ABL2: variants seen among roughly 807,000 people sequenced by gnomAD.
ABL2 encodes the protein ABL proto-oncogene 2, non-receptor tyrosine kinase.
A neutral mutation model predicts 107.7 loss-of-function variants in ABL2; 49 were observed. The ratio of observed to expected loss-of-function variants is 0.45; its 90% CI spans 0.36 to 0.58. ABL2 has a LOEUF of 0.58. ABL2 is among the 20% of genes least tolerant of loss of function. The probability of loss-of-function intolerance (pLI) is 0.00; values close to 1 mark genes in which losing one functional copy is unlikely to be tolerated. For missense variants in ABL2, 1,245 were observed against 1,457.0 expected (o/e 0.85, Z 2.37); for synonymous variants, 549 against 548.6 (o/e 1.00, Z -0.01).
rs1653231563 is a variant in ABL2, at chr1:179,102,987, GAC to G, written c.*4729_*4730del. The stretch of plus-strand genomic sequence containing the variant: ...ACTATGCAGGACATAGGTTAAAAAA[GAC>G]ACTGTCAACATCAACAGATAACAAG... On this transcript the variant is annotated 3_prime_UTR_variant, in exon 12 of 12. Transcript: ENST00000502732. The G allele has an allele frequency of 4.4e-6, 1 of 225,276 alleles. No individual in the cohort carries two copies. The highest frequency in any genetic ancestry group is 2.2e-5 in the African/African-American group (1 of 44,916). The allele number at this position is 225,276 out of a possible 1,614,324, so 14.0% of individuals were successfully genotyped here. A position where few individuals can be genotyped will look rare whatever the true frequency, so the allele number is the denominator to read the frequency against.
chr1:179,163,862 A>G (rs1659225029), intron 1 of ABL2, among the ~76,000 whole-genome samples: 1 of 152,266 alleles, frequency 6.6e-6, no homozygotes, highest in Non-Finnish European at 1.5e-5. Flanking sequence ...AATACCACTC[A>G]ACAATACAAA....
intron 10 of ABL2, 103 bp downstream of exon 10, chr1:179,112,206 A>C (rs1654155285): frequency 4.0e-6 from 4 of 1,005,230 alleles, no homozygotes; most frequent in Middle Eastern, 4.2e-4. Context: ...ACAGAGTCTC[A>C]AACTCCACAA....
chr1:179,221,192 C>T (rs894598942), intron 1 of ABL2: 11 of 223,818 alleles, frequency 4.9e-5, no homozygotes, highest in Non-Finnish European at 7.5e-5. Flanking sequence ...AGTAGGCCAA[C>T]GGGCTAAAAG....
chr1:179,152,707 A>G lies in ABL2; in HGVS notation c.158-19333T>C, dbSNP rs377524740. On this transcript the variant is annotated intron_variant, in intron 1 of 11. Transcript: ENST00000502732. ...CTAGGTTTGTGAGTAGTAGCAGCAC[A>G]ATGTGCTACTTAAAGAATACTGATC... Among the ~76,000 whole-genome samples the G allele has an allele frequency of 2.0e-5, 3 of 152,340 alleles. No individual in the cohort carries two copies. The South Asian group carries it at 6.2e-4, about 32-fold the overall frequency.
At position 179,100,203 on chromosome 1, in the gene ABL2, A is replaced by T. The variant is rs1652992643; in HGVS notation, c.*7515T>A. On this transcript the variant is annotated 3_prime_UTR_variant, in exon 12 of 12. Transcript: ENST00000502732. Reference sequence around the variant, plus strand: ...TCTCAAGAAATTCCTCTCAAAACATAATGGAGGCCAAATGGCCACAGTGAG... The same window carrying T: ...TCTCAAGAAATTCCTCTCAAAACATTATGGAGGCCAAATGGCCACAGTGAG... 1 of 228,998 alleles carries T rather than the reference A, an allele frequency of 4.4e-6. No individual in the cohort carries two copies. The allele number at this position is 228,998 out of a possible 1,614,324, so 14.2% of individuals were successfully genotyped here.
rs141094931 is a variant in ABL2 at position 179,205,086 on chromosome 1, G to A, written c.157+24155C>T. Among the ~76,000 whole-genome samples the A allele has an allele frequency of 4.8e-3, 723 of 151,062 alleles. 9 individuals are homozygous for A. The highest frequency in any genetic ancestry group is 0.017 in the African/African-American group (687 of 41,046). The stretch of plus-strand genomic sequence containing the variant: ...CTGTCGCCCAGGCTGGAGTGCAGTG[G>A]CGTGATCTTGGCTCACTGCAACCTG... On this transcript the variant is annotated intron_variant, in intron 1 of 11. Coordinates refer to ENST00000502732, the MANE Select transcript of ABL2 (RefSeq NM_007314.4).
At chr1:179,176,129 A>G (rs1285085155) in intron 1 of ABL2, among the ~76,000 whole-genome samples, 1 of 152,080 alleles carries the variant, frequency 6.6e-6, no homozygotes, top group Non-Finnish European at 1.5e-5. Flanking sequence ...TGCTGGGATT[A>G]CAAGTGTGAG....
chr1:179,115,159 A>ACT (rs565834620), intron 8 of ABL2, 129 bp from the exon 9 acceptor site: 25 of 739,254 alleles, frequency 3.4e-5, no homozygotes, highest in Middle Eastern at 7.9e-4. Flanking sequence ...TATATAATAT[A>ACT]CTCTTTTATC....
intron 1 of ABL2, chr1:179,201,805 G>A: frequency 9.8e-7 from 1 of 1,017,552 alleles, no homozygotes; most frequent in East Asian, 3.0e-5. Context: ...GGACAGTTTG[G>A]CCATAAAGGT....
intron 5 of ABL2, among the ~76,000 whole-genome samples, chr1:179,120,771 T>C (rs1383000082): frequency 6.6e-6 from 1 of 151,948 alleles, no homozygotes; most frequent in African/African-American, 2.4e-5. Flanking sequence ...TGCCCTGGAG[T>C]AAAAATTAGC....
intron 1 of ABL2, among the ~76,000 whole-genome samples, chr1:179,176,767 C>T (rs1021182373): frequency 1.5e-5 from 2 of 136,294 alleles, no homozygotes; most frequent in Non-Finnish European, 3.0e-5. Flanking sequence ...GCCATCTTGG[C>T]TCACTGCAAC....
chr1:179,127,987 A>G (rs1324478707), intron 3 of ABL2, among the ~76,000 whole-genome samples: 1 of 149,712 alleles, frequency 6.7e-6, no homozygotes, highest in Non-Finnish European at 1.5e-5. Flanking sequence ...GTGAGCCGAG[A>G]TTGCACCACT....
chr1:179,202,658 C>T (rs1389829671), intron 1 of ABL2, among the ~76,000 whole-genome samples: 1 of 152,174 alleles, frequency 6.6e-6, no homozygotes. Context: ...ATGTCTTCTG[C>T]CTTTTTCCCC....
chr1:179,184,425 G>A, intron 1 of ABL2: 1 of 988,562 alleles, frequency 1.0e-6, no homozygotes, highest in Non-Finnish European at 1.5e-6. Flanking sequence ...GCAGCATGAG[G>A]CACCAGAGAG....
At chr1:179,112,093 ATGGT>A (rs1278313539) in intron 10 of ABL2, among the ~76,000 whole-genome samples, 1 of 152,178 alleles carries the variant, frequency 6.6e-6, no homozygotes, top group African/African-American at 2.4e-5. Flanking sequence ...ATTCAGCTAT[ATGGT>A]TGTAATAATT....
intron 5 of ABL2, among the ~76,000 whole-genome samples, chr1:179,121,286 G>A (rs1054814536): frequency 6.6e-5 from 10 of 152,178 alleles, no homozygotes; most frequent in Non-Finnish European, 4.4e-5. Context: ...AGCAGGGGTC[G>A]TTCTCAGGAA....
chr1:179,126,719 TATTTC>T lies in ABL2; in HGVS notation c.392-52_392-48del, dbSNP rs771361711. On this transcript the variant is annotated intron_variant, in intron 3 of 11. Transcript: ENST00000502732. The surrounding 1 kb of genome is among the most constrained non-coding windows in gnomAD (Gnocchi z 4.4). ...GATGAAAGAAACGATGTTAAGACTT[TATTTC>T]AACTGAAGCAGTGTACTGTCAAACT... 1 of 1,531,156 alleles carries T rather than the reference TATTTC, an allele frequency of 6.5e-7. No individual in the cohort carries two copies. 94.8% of individuals were successfully genotyped at this position (1,531,156 alleles called of 1,614,324 possible).
At chr1:179,217,506 G>A (rs1662631611) in intron 1 of ABL2, among the ~76,000 whole-genome samples, 1 of 151,296 alleles carries the variant, frequency 6.6e-6, no homozygotes, top group South Asian at 2.1e-4. Context: ...TGCACCTGTG[G>A]TCCCAGCTAC....
intron 1 of ABL2, among the ~76,000 whole-genome samples, chr1:179,157,775 G>A (rs1195194020): frequency 6.6e-6 from 1 of 151,350 alleles, no homozygotes; most frequent in African/African-American, 2.4e-5. Context: ...TGCAATCACG[G>A]CTTACTGCAG....
Sources: gnomAD v4.1 joint callset for allele counts (sites outside exome capture counted in the v4.1 genomes callset) on GRCh38, gnomAD v4.1.1 for gene constraint, Gnocchi (gnomAD v3.1) non-coding constraint, MANE v1.5 for transcripts, NCBI Gene and HGNC (gene_info 2026-07-23, HGNC 2026-07-21) for gene names.